Variants in CFH observed in about 807,000 individuals in gnomAD.
The protein encoded by CFH is complement factor H.
In CFH, 53 loss-of-function variants were observed where a neutral mutation model predicts 147.3. That is an observed-to-expected ratio of 0.36 (90% CI 0.29 to 0.45). The LOEUF (loss-of-function observed/expected upper bound fraction) is 0.45. Among genes scored for constraint, CFH ranks in the 20% least tolerant of loss-of-function variants. CFH has a pLI of 1.00. For synonymous variants in CFH, 536 were observed against 489.4 expected, an observed-to-expected ratio of 1.10 and a Z score of -1.26; for missense variants, 1,380 against 1,498.0, an observed-to-expected ratio of 0.92 and a Z score of 1.30.
Position 196,685,117 on chromosome 1 carries a change from A to T in CFH, c.844A>T (p.Ile282Phe), listed in dbSNP as rs1667781432. The T allele has an allele frequency of 1.2e-6, 2 of 1,612,884 alleles. No individual in the cohort carries two copies. The highest frequency in any genetic ancestry group is 1.7e-6 in the Non-Finnish European group (2 of 1,179,138). Residue 282 changes from isoleucine to phenylalanine, a missense_variant, in exon 7 of 22, where the codon ATT becomes TTT. Coordinates refer to ENST00000367429, the MANE Select transcript of CFH (RefSeq NM_000186.4). ...AAATGGTGACTACTCACCTTTAAGG[A>T]TTAAACACAGAACTGGAGATGAAAT... Reference protein sequence around the residue: ...IPNGDYSPLRIKHRTGDEITY... With the variant: ...IPNGDYSPLRFKHRTGDEITY...
chr1:196,657,721 G>C (rs935940965), intron 1 of CFH, among the ~76,000 whole-genome samples: 67 of 152,080 alleles, frequency 4.4e-4, no homozygotes, highest in East Asian at 1.9e-3. Flanking sequence ...AATTGATTTT[G>C]TAACTTTGCT....
intron 9 of CFH, among the ~76,000 whole-genome samples, chr1:196,696,206 G>T (rs1419044289): frequency 6.6e-6 from 1 of 151,912 alleles, no homozygotes; most frequent in Non-Finnish European, 1.5e-5. Flanking sequence ...CCATATAATT[G>T]GAAGTAAAAC....
chr1:196,697,626 A>G (rs1573038261), intron 9 of CFH, among the ~76,000 whole-genome samples: 1 of 152,304 alleles, frequency 6.6e-6, no homozygotes, highest in East Asian at 1.9e-4. Context: ...AACTAGAAAT[A>G]CCATTTGACC....
intron 15 of CFH, among the ~76,000 whole-genome samples, chr1:196,734,282 A>G (rs1220490200): frequency 6.6e-6 from 1 of 151,960 alleles, no homozygotes; most frequent in Non-Finnish European, 1.5e-5. Context: ...ATTTTCTTTC[A>G]GGAGGAGTTC....
chr1:196,699,425 T>C (rs1278259424), intron 9 of CFH, among the ~76,000 whole-genome samples: 2 of 152,222 alleles, frequency 1.3e-5, no homozygotes, highest in African/African-American at 4.8e-5. Context: ...ACATGATATA[T>C]TGTGGCTACA....
At chr1:196,717,837 G>A (rs980197981) in intron 11 of CFH, among the ~76,000 whole-genome samples, 35 of 152,150 alleles carry the variant, frequency 2.3e-4, no homozygotes, top group African/African-American at 7.2e-4. Context: ...GGTGGCAACA[G>A]GACTGCTTAC....
At chr1:196,743,771 C>G in intron 20 of CFH, 143 bp downstream of exon 20, 1 of 1,230,074 alleles carries the variant, frequency 8.1e-7, no homozygotes, top group Admixed American at 1.9e-5. Context: ...TTCAATTCTT[C>G]CTGTGAACAG....
intron 15 of CFH, among the ~76,000 whole-genome samples, chr1:196,728,731 A>T (rs1296564215): frequency 7.2e-6 from 1 of 138,052 alleles, no homozygotes; most frequent in Non-Finnish European, 1.6e-5. Context: ...ACACACACAC[A>T]CGCACACACA....
At position 196,737,512 on chromosome 1, in the gene CFH, C is replaced by A; in HGVS notation, c.2634C>A (p.His878Gln). 6.2e-7 allele frequency: 1 copy of A among 1,613,052 alleles called. No individual in the cohort carries two copies. The highest frequency in any genetic ancestry group is 8.5e-7 in the Non-Finnish European group (1 of 1,179,408). Residue 878 changes from histidine (H) to glutamine (Q), a missense_variant, in exon 17 of 22, where the codon CAC (histidine) becomes CAA (glutamine). By Grantham distance (24) the His-to-Gln change is conservative. This residue lies in a region of CFH where 830 missense variants were observed against 821.4 expected (regional missense o/e 1.01). Coordinates refer to ENST00000367429, the MANE Select transcript of CFH (RefSeq NM_000186.4). The part of the protein sequence containing the change: ...IPCSQPPQIE[H>Q]GTINSSRSSQ... The stretch of plus-strand genomic sequence containing the variant: ...GTTCACAACCACCTCAGATAGAACA[C>A]GGAACCATTAATTCATCCAGGTCTT...
At position 196,689,443 on chromosome 1, in the gene CFH, A is replaced by T. The variant is rs1371784485; in HGVS notation, c.988A>T (p.Ile330Phe). The T allele has an allele frequency of 1.2e-5, 19 of 1,613,040 alleles. No homozygotes were observed. Among genetic ancestry groups the T allele is most frequent in the Non-Finnish European group, 1.5e-5 (18 of 1,179,436 alleles). The part of the protein sequence containing the change: ...CTLKPCDYPD[I>F]KHGGLYHENM... ...AGTGAAACCTTGTGATTATCCAGAC[A>T]TTAAACATGGAGGTCTATATCATGA... is the stretch of plus-strand genomic sequence containing the variant. The change falls in exon 8 of 22, where the codon ATT becomes TTT. Residue 330 changes from isoleucine to phenylalanine, a missense_variant. Physicochemically the swap from Ile to Phe is conservative, Grantham distance 21. Transcript: ENST00000367429.
chr1:196,742,855 G>A (rs901054470), intron 19 of CFH, among the ~76,000 whole-genome samples: 7 of 152,134 alleles, frequency 4.6e-5, no homozygotes, highest in Admixed American at 2.0e-4. Flanking sequence ...AATTATCTGA[G>A]GTTATTTTTA....
chr1:196,652,057 A>G lies in CFH; in HGVS notation c.-61A>G, dbSNP rs886045741. ...CTGCACTAATCACAATTCTTGGAAG[A>G]GGAGAACTGGACGTTGTGAACAGAG... On this transcript the variant is annotated 5_prime_UTR_variant, in exon 1 of 22. Coordinates refer to ENST00000367429, the MANE Select transcript of CFH (RefSeq NM_000186.4). The G allele has an allele frequency of 8.7e-7, 1 of 1,152,768 alleles. No individual in the cohort carries two copies. Among genetic ancestry groups the G allele is most frequent in the Admixed American group, 1.7e-5 (1 of 59,206 alleles). The allele number at this position is 1,152,768 out of a possible 1,614,324, so 71.4% of individuals were successfully genotyped here.
At chr1:196,693,106 A>T (rs1668122531) in intron 9 of CFH, among the ~76,000 whole-genome samples, 1 of 151,980 alleles carries the variant, frequency 6.6e-6, no homozygotes, top group South Asian at 2.1e-4. Context: ...TTATATTTTC[A>T]TGTACAGTCA....
At chr1:196,737,699 G>C (rs1193239430) in intron 17 of CFH, 39 bp downstream of exon 17, 4 of 1,550,694 alleles carry the variant, frequency 2.6e-6, no homozygotes, top group Non-Finnish European at 3.6e-6. Context: ...GTTTATAGTA[G>C]AATTCATAAA....
At chr1:196,741,517 C>T in intron 18 of CFH, 1 of 298,092 alleles carries the variant, frequency 3.4e-6, no homozygotes, top group South Asian at 3.1e-5. Context: ...AGGTCTCTCT[C>T]TCAACACCTG....
At position 196,672,969 on chromosome 1, in the gene CFH, T is replaced by C. The variant is rs1667333790; in HGVS notation, c.59-9T>C. 6.2e-7 allele frequency: 1 copy of C among 1,612,570 alleles called. No homozygotes were observed. On this transcript the variant is annotated splice_polypyrimidine_tract_variant and intron_variant, in intron 1 of 21. Coordinates refer to ENST00000367429, the MANE Select transcript of CFH (RefSeq NM_000186.4). Reference sequence around the variant, plus strand: ...CTTTATGCACTTATTTTGTTTTTATTGTTTGTAGATTGCAATGAACTTCCT... The same window carrying C: ...CTTTATGCACTTATTTTGTTTTTATCGTTTGTAGATTGCAATGAACTTCCT...
At chr1:196,742,276 T>A (rs892903726) in intron 19 of CFH, among the ~76,000 whole-genome samples, 1 of 152,148 alleles carries the variant, frequency 6.6e-6, no homozygotes, top group Non-Finnish European at 1.5e-5. Flanking sequence ...CTTGGGAGAC[T>A]GAGGCAGGAG....
chr1:196,746,109 C>T (rs1345067571), intron 21 of CFH, 110 bp downstream of exon 21: 1 of 1,565,604 alleles, frequency 6.4e-7, no homozygotes, highest in Non-Finnish European at 8.8e-7. Flanking sequence ...CTGCTGAATG[C>T]TTGCCTACCA....
chr1:196,693,955 G>GGTGTGTGT (rs71567586), intron 9 of CFH, among the ~76,000 whole-genome samples: 12,177 of 142,618 alleles, frequency 0.085, 692 homozygotes, highest in African/African-American at 0.17. Context: ...TTAGATAAAT[G>GGTGTGTGT]GTGTGTGTGT....
Sources: gnomAD v4.1 joint callset for allele counts (sites outside exome capture counted in the v4.1 genomes callset) on GRCh38, gnomAD v4.1.1 for gene constraint, gnomAD v4.1.1 regional missense constraint, MANE v1.5 for transcripts, NCBI Gene and HGNC (gene_info 2026-07-23, HGNC 2026-07-21) for gene names.